Variants in MGRN1 observed in about 807,000 individuals in gnomAD.
The protein encoded by MGRN1 is E3 ubiquitin-protein ligase MGRN1.
In MGRN1, 29 loss-of-function variants were observed where a neutral mutation model predicts 69.2. The observed-to-expected ratio is 0.42, with a 90% CI of 0.31 to 0.57. The LOEUF (loss-of-function observed/expected upper bound fraction) is 0.57. MGRN1 is among the 20% of genes least tolerant of loss of function. The pLI is 0.15. For synonymous variants in MGRN1, 470 were observed against 344.2 expected (o/e 1.37, Z -4.04); for missense variants, 998 against 796.2 (o/e 1.25, Z -3.05).
At chr16:4,637,435 AAAAC>A (rs1171084425) in intron 1 of MGRN1, among the ~76,000 whole-genome samples, 1 of 152,014 alleles carries the variant, frequency 6.6e-6, no homozygotes, top group African/African-American at 2.4e-5. Flanking sequence ...CTCAAAGAAA[AAAAC>A]AAAAAAAAAA....
chr16:4,633,735 T>C (rs1164250910), intron 1 of MGRN1: 1 of 151,880 alleles, frequency 6.6e-6, no homozygotes, highest in Non-Finnish European at 1.5e-5. Context: ...TTATTATTAT[T>C]GAGACGGAGT....
intron 8 of MGRN1, 70 bp from the exon 9 acceptor site, chr16:4,671,321 C>G: frequency 6.7e-7 from 1 of 1,490,142 alleles, no homozygotes; most frequent in Non-Finnish European, 9.4e-7. Context: ...CAGGGCTAGG[C>G]CAGGTGGGTA....
chr16:4,648,499 T>G (rs1361523895), intron 1 of MGRN1, among the ~76,000 whole-genome samples: 1 of 100,716 alleles, frequency 9.9e-6, no homozygotes, highest in Non-Finnish European at 1.8e-5. Flanking sequence ...GCTCTTCCCG[T>G]GGTCACCCGG....
chr16:4,659,284 C>G (rs576833087), intron 5 of MGRN1: 2 of 152,388 alleles, frequency 1.3e-5, no homozygotes, highest in East Asian at 3.8e-4. Flanking sequence ...CCTGCTCTCA[C>G]GTGTGACTGT....
chr16:4,629,700 C>T (rs1051647497), intron 1 of MGRN1, among the ~76,000 whole-genome samples: 1 of 149,182 alleles, frequency 6.7e-6, no homozygotes, highest in Non-Finnish European at 1.5e-5. Context: ...GATCGCGCCA[C>T]TGCACTCCAG....
intron 16 of MGRN1, chr16:4,688,020 G>T: frequency 2.0e-6 from 2 of 985,570 alleles, no homozygotes; most frequent in Non-Finnish European, 2.4e-6. Context: ...CGGAGCTGGG[G>T]AGTGCAGGTG....
At chr16:4,655,881 A>G (rs1049380345) in intron 4 of MGRN1, among the ~76,000 whole-genome samples, 2 of 152,264 alleles carry the variant, frequency 1.3e-5, no homozygotes, top group African/African-American at 4.8e-5. Context: ...CGCATCTCAC[A>G]GGAGAAGGCT....
At chr16:4,668,542 CACACATAA>C (rs1370256341) in intron 8 of MGRN1, among the ~76,000 whole-genome samples, 1 of 151,626 alleles carries the variant, frequency 6.6e-6, no homozygotes, top group Non-Finnish European at 1.5e-5. Context: ...CACACACATA[CACACATAA>C]ACACACTCCT....
At chr16:4,668,025 C>T (rs147213045) in intron 7 of MGRN1, among the ~76,000 whole-genome samples, 128 of 152,108 alleles carry the variant, frequency 8.4e-4, no homozygotes, top group African/African-American at 3.0e-3. Context: ...GCAGAGGGTC[C>T]CCGGGCTGTG....
At chr16:4,638,645 G>C (rs1387544962) in intron 1 of MGRN1, among the ~76,000 whole-genome samples, 1 of 152,204 alleles carries the variant, frequency 6.6e-6, no homozygotes, top group Non-Finnish European at 1.5e-5. Context: ...CTCCCACCTG[G>C]TGGGGGCATC....
chr16:4,643,403 ATTTTTTTTTTTT>A (rs34438924), intron 1 of MGRN1, among the ~76,000 whole-genome samples: 3 of 109,838 alleles, frequency 2.7e-5, no homozygotes, highest in Non-Finnish European at 5.5e-5. Flanking sequence ...GCCTTGCTTG[ATTTTTTTTTTTT>A]TTTTTTTTTC....
chr16:4,676,048 TTAG>T (rs1372704180), intron 10 of MGRN1, among the ~76,000 whole-genome samples: 1 of 152,186 alleles, frequency 6.6e-6, no homozygotes, highest in Non-Finnish European at 1.5e-5. Flanking sequence ...ACACATGCGC[TTAG>T]TAGGCCAGCA....
intron 4 of MGRN1, among the ~76,000 whole-genome samples, chr16:4,655,523 C>T (rs1410117987): frequency 6.6e-6 from 1 of 151,994 alleles, no homozygotes; most frequent in Non-Finnish European, 1.5e-5. Flanking sequence ...ACGAGGCCTG[C>T]TTCCCCTCCC....
intron 1 of MGRN1, chr16:4,639,772 C>T (rs1239232708): frequency 6.6e-6 from 1 of 152,200 alleles, no homozygotes; most frequent in Non-Finnish European, 1.5e-5. Flanking sequence ...TTCAAGGGTC[C>T]AGATCACGAA....
chr16:4,672,440 C>T (rs1177825296), intron 9 of MGRN1: 4 of 456,764 alleles, frequency 8.8e-6, no homozygotes, highest in South Asian at 4.6e-5. Context: ...ATTATGGCAT[C>T]TGGGCCCAGG....
chr16:4,645,030 A>C (rs183923738), intron 1 of MGRN1, among the ~76,000 whole-genome samples: 3 of 152,130 alleles, frequency 2.0e-5, no homozygotes, highest in African/African-American at 7.2e-5. Context: ...AAGATAAAGG[A>C]AAAAATTAAT....
intron 1 of MGRN1, among the ~76,000 whole-genome samples, chr16:4,633,213 CCCCACCTCTATTAAAAAT>C (rs1484250008): frequency 6.6e-6 from 1 of 150,828 alleles, no homozygotes; most frequent in Non-Finnish European, 1.5e-5. Context: ...CATGGTAAAA[CCCCACCTCTATTAAAAAT>C]CCAAAAAATT....
At chr16:4,628,701 C>T (rs374447138) in intron 1 of MGRN1, among the ~76,000 whole-genome samples, 3 of 152,096 alleles carry the variant, frequency 2.0e-5, no homozygotes, top group South Asian at 2.1e-4. Flanking sequence ...CGCACCACCA[C>T]GCCCGGCTAA....
At chr16:4,671,167 T>A (rs2078928599) in intron 8 of MGRN1, among the ~76,000 whole-genome samples, 1 of 151,902 alleles carries the variant, frequency 6.6e-6, no homozygotes, top group African/African-American at 2.4e-5. Flanking sequence ...AGGCCCCCAG[T>A]AGTGGGGAGA....
Sources: gnomAD v4.1 joint callset for allele counts (sites outside exome capture counted in the v4.1 genomes callset) on GRCh38, gnomAD v4.1.1 for gene constraint, MANE v1.5 for transcripts, NCBI Gene and HGNC (gene_info 2026-07-23, HGNC 2026-07-21) for gene names.